Variants in ACAD11 observed in about 807,000 individuals in gnomAD.
ACAD11 encodes the protein acyl-CoA dehydrogenase family member 11.
A neutral mutation model predicts 102.2 loss-of-function variants in ACAD11; 83 were observed. The observed-to-expected ratio is 0.81, with a 90% CI of 0.68 to 0.97. The LOEUF (loss-of-function observed/expected upper bound fraction) is 0.97. Among genes scored for constraint, ACAD11 ranks in the 50% least tolerant of loss-of-function variants. The pLI, the probability that ACAD11 is intolerant of heterozygous loss-of-function variation, is 0.00. For missense variants in ACAD11, 901 were observed against 951.7 expected, an observed-to-expected ratio of 0.95 and a Z score of 0.70; for synonymous variants, 324 against 319.8, an observed-to-expected ratio of 1.01 and a Z score of -0.14.
intron 17 of ACAD11, among the ~76,000 whole-genome samples, chr3:132,570,569 G>A (rs1053988393): frequency 5.3e-5 from 8 of 151,714 alleles, no homozygotes; most frequent in African/African-American, 7.3e-5. Context: ...AGATAAACTC[G>A]TGCCATGGGG....
chr3:132,615,388 C>T (rs1939364297), intron 11 of ACAD11, among the ~76,000 whole-genome samples: 1 of 152,250 alleles, frequency 6.6e-6, no homozygotes, highest in South Asian at 2.1e-4. Flanking sequence ...ATGTTTATTG[C>T]AGCACTATTC....
chr3:132,579,430 C>G (rs1163925244), intron 14 of ACAD11, 62 bp downstream of exon 14: 2 of 1,322,422 alleles, frequency 1.5e-6, no homozygotes, highest in East Asian at 4.7e-5. Flanking sequence ...AGTAAATTAC[C>G]TAGATAGGAG....
At chr3:132,652,177 T>C (rs1280293983) in intron 1 of ACAD11, among the ~76,000 whole-genome samples, 1 of 152,182 alleles carries the variant, frequency 6.6e-6, no homozygotes, top group African/African-American at 2.4e-5. Flanking sequence ...GCAGTGGGTC[T>C]TTCCTGTGCT....
intron 4 of ACAD11, among the ~76,000 whole-genome samples, chr3:132,640,464 T>C (rs1193247222): frequency 6.6e-6 from 1 of 152,242 alleles, no homozygotes; most frequent in Non-Finnish European, 1.5e-5. Flanking sequence ...AGTGTAAAGA[T>C]CTTCTATTGT....
chr3:132,577,895 A>G (rs896901952), intron 15 of ACAD11, among the ~76,000 whole-genome samples: 2 of 152,066 alleles, frequency 1.3e-5, no homozygotes, highest in African/African-American at 4.8e-5. Flanking sequence ...GCAACCCAAC[A>G]ATTTCCTACA....
chr3:132,600,189 G>T (rs1330233425), intron 13 of ACAD11, among the ~76,000 whole-genome samples: 2 of 152,156 alleles, frequency 1.3e-5, no homozygotes, highest in African/African-American at 4.8e-5. Context: ...AATTGTACAA[G>T]CAAAGTTTGA....
rs1265694353 is a variant in ACAD11, at chr3:132,639,651, T to C, written c.543A>G (p.Ser181=). 1 of 1,612,188 alleles carries C rather than the reference T, an allele frequency of 6.2e-7. No individual in the cohort carries two copies. Among genetic ancestry groups the C allele is most frequent in the Admixed American group, 1.7e-5 (1 of 59,638 alleles). ...IGAGYCKRQV[S]TWTKQYQAAA... is the part of the protein sequence containing the mutation. ...CAGCTTGATATTGCTTTGTCCAGGT[T>C]GATACCTAAAGACATATAAATAAGA... The change falls in exon 5 of 20, where the codon TCA becomes TCG. Residue 181 remains serine (S), a synonymous_variant. Transcript: ENST00000264990.
At chr3:132,608,167 A>G (rs1232321294) in intron 11 of ACAD11, among the ~76,000 whole-genome samples, 1 of 152,220 alleles carries the variant, frequency 6.6e-6, no homozygotes, top group African/African-American at 2.4e-5. Flanking sequence ...CCACTGCAAA[A>G]ACATACCAAA....
Position 132,639,556 on chromosome 3 carries a change from T to A in ACAD11, c.638A>T (p.Asp213Val). The change falls in exon 5 of 20, where the codon GAC becomes GTC. Residue 213 changes from aspartate to valine, a missense_variant. Coordinates refer to ENST00000264990, the MANE Select transcript of ACAD11 (RefSeq NM_032169.5). ...EWLMKNLPDN[D>V]NEENLIHGDF... ...TCCATGAATCAAATTCTCTTCATTGTCATTATCGGGCAAGTTCTTCATTAG... is the reference window on the plus strand; with the variant it reads ...TCCATGAATCAAATTCTCTTCATTGACATTATCGGGCAAGTTCTTCATTAG... The A allele has an allele frequency of 6.2e-7, 1 of 1,614,098 alleles. No homozygotes were observed. Among genetic ancestry groups the A allele is most frequent in the South Asian group, 1.1e-5 (1 of 91,052 alleles).
chr3:132,604,017 T>C (rs1938733191), intron 12 of ACAD11, among the ~76,000 whole-genome samples: 1 of 152,224 alleles, frequency 6.6e-6, no homozygotes, highest in South Asian at 2.1e-4. Flanking sequence ...GTATTCTACT[T>C]ATTTTGTAAA....
chr3:132,588,929 A>C lies in ACAD11; in HGVS notation c.1622-9371T>G, dbSNP rs181804538. On this transcript the variant is annotated intron_variant, in intron 13 of 19. Coordinates refer to ENST00000264990, the MANE Select transcript of ACAD11 (RefSeq NM_032169.5). ...CTGCTATGGTCTGAATGTATATGTC[A>C]CCCCCTAGAAGTCATGTTTTGGAAT... 1.1e-3 allele frequency among the ~76,000 whole-genome samples: 163 copies of C among 152,150 alleles called. 1 individual carries two copies. The highest frequency in any genetic ancestry group is 3.7e-3 in the African/African-American group (155 of 41,524).
intron 17 of ACAD11, among the ~76,000 whole-genome samples, chr3:132,566,639 T>C (rs887666531): frequency 4.6e-5 from 7 of 152,164 alleles, no homozygotes; most frequent in African/African-American, 1.2e-4. Context: ...AGCAGCACAA[T>C]ATTTTTCTAG....
intron 13 of ACAD11, among the ~76,000 whole-genome samples, chr3:132,581,415 T>C (rs1333829757): frequency 6.6e-6 from 1 of 151,940 alleles, no homozygotes; most frequent in African/African-American, 2.4e-5. Flanking sequence ...ATCCAAAAGA[T>C]AATGGATCCC....
intron 13 of ACAD11, among the ~76,000 whole-genome samples, chr3:132,585,188 C>T (rs1331639901): frequency 3.9e-5 from 6 of 152,024 alleles, no homozygotes; most frequent in Non-Finnish European, 7.4e-5. Context: ...GAAATAATGC[C>T]GCATATGTAC....
chr3:132,649,146 C>A (rs975667061), intron 1 of ACAD11, among the ~76,000 whole-genome samples: 2 of 152,210 alleles, frequency 1.3e-5, no homozygotes, highest in African/African-American at 4.8e-5. Context: ...GGTTTCTCCC[C>A]ATGTGATAGT....
chr3:132,596,998 T>C (rs1938340245), intron 13 of ACAD11, among the ~76,000 whole-genome samples: 1 of 152,188 alleles, frequency 6.6e-6, no homozygotes, highest in Non-Finnish European at 1.5e-5. Flanking sequence ...AGGTGGATTC[T>C]CCTTCTGGTT....
intron 17 of ACAD11, among the ~76,000 whole-genome samples, chr3:132,566,446 G>A (rs1576545600): frequency 6.6e-6 from 1 of 152,050 alleles, no homozygotes; most frequent in East Asian, 1.9e-4. Flanking sequence ...TCCCAAATTT[G>A]GCAAGAGACC....
At chr3:132,581,416 A>G (rs886356786) in intron 13 of ACAD11, among the ~76,000 whole-genome samples, 1 of 151,994 alleles carries the variant, frequency 6.6e-6, no homozygotes. Flanking sequence ...TCCAAAAGAT[A>G]ATGGATCCCA....
At position 132,566,701 on chromosome 3, in the gene ACAD11, GAAGA is replaced by G. The variant is rs546542144; in HGVS notation, c.2002-5488_2002-5485del. Among the ~76,000 whole-genome samples the G allele has an allele frequency of 2.6e-5, 4 of 152,068 alleles. No homozygotes were observed. The South Asian group carries it at 8.3e-4, about 32-fold the overall frequency. ...AGTGGGGATATCTTCCAGGAATAAA[GAAGA>G]AATAAGACATTCTTAGAAGAAGCAA... On this transcript the variant is annotated intron_variant, in intron 17 of 19. Transcript: ENST00000264990.
Sources: gnomAD v4.1 joint callset for allele counts (sites outside exome capture counted in the v4.1 genomes callset) on GRCh38, gnomAD v4.1.1 for gene constraint, MANE v1.5 for transcripts, NCBI Gene and HGNC (gene_info 2026-07-23, HGNC 2026-07-21) for gene names.